The following NELL1 variants were observed in gnomAD, a reference collection of about 807,000 sequenced individuals.
NELL1 encodes protein kinase C-binding protein NELL1.
NELL1 carries 76 observed loss-of-function variants against 107.4 expected under a neutral mutation model. That is an observed-to-expected ratio of 0.71 (90% confidence interval 0.59 to 0.86). The LOEUF (loss-of-function observed/expected upper bound fraction) is 0.86, where lower values mean the gene tolerates loss of function less well. Ranked by LOEUF, NELL1 falls within the 40% of genes least tolerant of loss-of-function variation. The pLI, the probability that NELL1 is intolerant of heterozygous loss-of-function variation, is 0.00. For missense variants in NELL1, 1,024 were observed against 1,005.5 expected, an observed-to-expected ratio of 1.02 and a Z score of -0.25; for synonymous variants, 353 against 341.2, an observed-to-expected ratio of 1.03 and a Z score of -0.38.
intron 12 of NELL1, among the ~76,000 whole-genome samples, chr11:21,112,990 A>G (rs1003868147): frequency 2.0e-5 from 3 of 152,026 alleles, no homozygotes; most frequent in Non-Finnish European, 2.9e-5. Context: ...CCCAAAAAGA[A>G]CAAGACTTTT....
intron 17 of NELL1, among the ~76,000 whole-genome samples, chr11:21,562,733 T>G (rs1289112716): frequency 6.6e-6 from 1 of 152,080 alleles, no homozygotes; most frequent in Non-Finnish European, 1.5e-5. Flanking sequence ...ATCTTTTCAA[T>G]CATATCCTTG....
intron 4 of NELL1, among the ~76,000 whole-genome samples, chr11:20,863,574 A>ACTT (rs1237043028): frequency 6.6e-6 from 1 of 150,488 alleles, no homozygotes; most frequent in African/African-American, 2.4e-5. Context: ...GACGCTCCTC[A>ACTT]CTTCTCAGAC....
intron 13 of NELL1, among the ~76,000 whole-genome samples, chr11:21,223,687 T>C (rs1443681807): frequency 4.6e-5 from 7 of 152,218 alleles, no homozygotes. Context: ...GGTGGTTTTC[T>C]GTAATAGTAA....
chr11:21,349,694 G>A (rs569253271), intron 14 of NELL1, among the ~76,000 whole-genome samples: 43 of 152,092 alleles, frequency 2.8e-4, no homozygotes, highest in African/African-American at 9.2e-4. Flanking sequence ...TCTGTGGATA[G>A]AGAGACCTTT....
intron 3 of NELL1, among the ~76,000 whole-genome samples, chr11:20,846,553 C>G (rs1056692372): frequency 2.0e-5 from 3 of 152,150 alleles, no homozygotes; most frequent in African/African-American, 7.2e-5. Context: ...GTGAGGCTAT[C>G]CTCACCACTT....
intron 14 of NELL1, among the ~76,000 whole-genome samples, chr11:21,328,989 T>G (rs1285736221): frequency 6.6e-6 from 1 of 152,146 alleles, no homozygotes; most frequent in African/African-American, 2.4e-5. Flanking sequence ...TTGTATCAGA[T>G]AAGACTATGG....
chr11:20,768,239 T>G (rs890101515), intron 2 of NELL1, among the ~76,000 whole-genome samples: 5 of 152,200 alleles, frequency 3.3e-5, no homozygotes, highest in African/African-American at 1.2e-4. Flanking sequence ...TTAAATCACT[T>G]GGCCAAGGTT....
intron 16 of NELL1, among the ~76,000 whole-genome samples, chr11:21,558,293 TA>T (rs147076686): frequency 2.6e-5 from 4 of 151,210 alleles, no homozygotes; most frequent in African/African-American, 9.7e-5. Flanking sequence ...CGTTGCTTTT[TA>T]AAAAAAAATC....
chr11:20,799,435 T>A (rs1857237838), intron 3 of NELL1, among the ~76,000 whole-genome samples: 1 of 152,236 alleles, frequency 6.6e-6, no homozygotes, highest in Non-Finnish European at 1.5e-5. Context: ...CCATCCATAG[T>A]GTTCCTTGGA....
At chr11:21,460,887 G>A (rs1487483903) in intron 15 of NELL1, among the ~76,000 whole-genome samples, 1 of 152,046 alleles carries the variant, frequency 6.6e-6, no homozygotes, top group East Asian at 1.9e-4. Flanking sequence ...CTGGGGAAAG[G>A]AAACACCCCT....
intron 15 of NELL1, among the ~76,000 whole-genome samples, chr11:21,466,172 C>T (rs77251971): frequency 0.026 from 3,916 of 152,190 alleles, 77 homozygotes; most frequent in Non-Finnish European, 0.043. Context: ...TAGCAATAGC[C>T]GACTTATTTT....
chr11:21,430,369 C>T (rs911336410), intron 15 of NELL1, among the ~76,000 whole-genome samples: 5 of 152,126 alleles, frequency 3.3e-5, no homozygotes, highest in Non-Finnish European at 5.9e-5. Context: ...CAATTTGTAG[C>T]ATCTTCTGAA....
chr11:21,484,031 A>ATATATATG (rs1854564431), intron 15 of NELL1, among the ~76,000 whole-genome samples: 1 of 126,760 alleles, frequency 7.9e-6, no homozygotes, highest in African/African-American at 2.9e-5. Flanking sequence ...ATATATATAT[A>ATATATATG]TGTCAAATGT....
intron 14 of NELL1, among the ~76,000 whole-genome samples, chr11:21,344,813 C>T (rs1850650544): frequency 6.6e-6 from 1 of 151,948 alleles, no homozygotes; most frequent in South Asian, 2.1e-4. Context: ...CAATTTTTGG[C>T]TGTGAAAATG....
intron 13 of NELL1, among the ~76,000 whole-genome samples, chr11:21,223,658 T>A (rs1327690569): frequency 2.0e-5 from 3 of 152,188 alleles, no homozygotes; most frequent in Admixed American, 2.0e-4. Context: ...TCTTCTCTTA[T>A]TGTTTATTTT....
At position 20,704,779 on chromosome 11, in the gene NELL1, G is replaced by C. The variant is rs942102100; in HGVS notation, c.184+26719G>C. The stretch of plus-strand genomic sequence containing the variant: ...TCACTTACGAAGCTTAGTTTGGCTG[G>C]ATATGAAATTCTGGGTTGAAAATTC... On this transcript the variant is annotated intron_variant, in intron 2 of 19. Coordinates refer to ENST00000357134, the MANE Select transcript of NELL1 (RefSeq NM_006157.5). Among the ~76,000 whole-genome samples the C allele has an allele frequency of 8.5e-4, 130 of 152,104 alleles. 5 individuals carry two copies. The highest frequency in any genetic ancestry group is 7.9e-4 in the Admixed American group (12 of 15,276).
At chr11:21,402,726 A>G (rs1259021103) in intron 15 of NELL1, among the ~76,000 whole-genome samples, 1 of 151,582 alleles carries the variant, frequency 6.6e-6, no homozygotes, top group African/African-American at 2.4e-5. Context: ...CTATTCGAGT[A>G]AATAAGCTTT....
chr11:20,832,340 A>T (rs1015612657), intron 3 of NELL1, among the ~76,000 whole-genome samples: 4 of 152,130 alleles, frequency 2.6e-5, no homozygotes, highest in African/African-American at 9.7e-5. Context: ...TTGTCACAGA[A>T]CCATGTTCTG....
At chr11:20,956,825 T>C (rs1851184901) in intron 11 of NELL1, among the ~76,000 whole-genome samples, 1 of 152,214 alleles carries the variant, frequency 6.6e-6, no homozygotes, top group African/African-American at 2.4e-5. Flanking sequence ...TATTGTTTAC[T>C]AAAAGTACTG....
Sources: gnomAD v4.1 joint callset for allele counts (sites outside exome capture counted in the v4.1 genomes callset) on GRCh38, gnomAD v4.1.1 for gene constraint, MANE v1.5 for transcripts, NCBI Gene and HGNC (gene_info 2026-07-23, HGNC 2026-07-21) for gene names.